The following ECT2 variants were observed in gnomAD, a reference collection of about 807,000 sequenced individuals.
The protein encoded by ECT2 is protein ECT2.
Under a neutral mutation model 116.9 loss-of-function variants are expected in ECT2, and 61 were observed. That is an observed-to-expected ratio of 0.52 (90% CI 0.42 to 0.65). The LOEUF is 0.65. ECT2 is among the 30% of genes least tolerant of loss of function. The pLI is 0.00. For missense variants in ECT2, 937 were observed against 1,078.7 expected, an observed-to-expected ratio of 0.87 and a Z score of 1.84; for synonymous variants, 358 against 346.4, an observed-to-expected ratio of 1.03 and a Z score of -0.37.
chr3:172,815,796 A>G, intron 23 of ECT2, 85 bp downstream of exon 23: 3 of 858,350 alleles, frequency 3.5e-6, no homozygotes, highest in East Asian at 2.6e-5. Context: ...AAACACCAGT[A>G]TAAAGATAGT....
intron 18 of ECT2, among the ~76,000 whole-genome samples, chr3:172,789,099 G>GT (rs1724143994): frequency 6.6e-6 from 1 of 150,894 alleles, no homozygotes; most frequent in South Asian, 2.1e-4. Context: ...TGAGCCTTCA[G>GT]TAAGTTATAG....
intron 22 of ECT2, among the ~76,000 whole-genome samples, chr3:172,813,865 A>G (rs1276129302): frequency 1.3e-5 from 2 of 150,872 alleles, no homozygotes; most frequent in African/African-American, 2.4e-5. Context: ...ATTGAAAAAC[A>G]TAAGATACAA....
At chr3:172,813,769 G>A (rs1242871385) in intron 22 of ECT2, among the ~76,000 whole-genome samples, 6 of 151,920 alleles carry the variant, frequency 3.9e-5, no homozygotes, top group African/African-American at 1.2e-4. Flanking sequence ...CAAAAATAGT[G>A]GAATGATTAA....
the ECT2 span, among the ~76,000 whole-genome samples, chr3:172,828,077 C>T: frequency 1.1e-4 from 16 of 152,170 alleles, no homozygotes; most frequent in South Asian, 6.2e-4. Flanking sequence ...CAAATAGATA[C>T]CAGCCACAAA....
intron 13 of ECT2, among the ~76,000 whole-genome samples, chr3:172,773,100 C>G (rs1720950569): frequency 6.6e-6 from 1 of 152,126 alleles, no homozygotes; most frequent in Non-Finnish European, 1.5e-5. Context: ...TTGATTGGCA[C>G]TAAATTTATA....
chr3:172,818,457 C>A, intron 24 of ECT2: 1 of 698,062 alleles, frequency 1.4e-6, no homozygotes. Context: ...ATGGTTATGT[C>A]ACTTTTAATA....
chr3:172,804,114 T>C (rs1009790424), intron 20 of ECT2, among the ~76,000 whole-genome samples: 7 of 152,286 alleles, frequency 4.6e-5, no homozygotes, highest in African/African-American at 1.7e-4. Flanking sequence ...CTGCCTCCTT[T>C]TTCTTTAAAG....
chr3:172,773,136 T>C (rs1576900241), intron 13 of ECT2, among the ~76,000 whole-genome samples: 1 of 152,226 alleles, frequency 6.6e-6, no homozygotes, highest in East Asian at 1.9e-4. Context: ...GAATTGACAT[T>C]CTTACTGTGT....
chr3:172,811,026 A>G (rs1444651223), intron 22 of ECT2, among the ~76,000 whole-genome samples: 6 of 152,192 alleles, frequency 3.9e-5, no homozygotes, highest in African/African-American at 1.4e-4. Flanking sequence ...GTAAGTATCT[A>G]TTAAAAATGT....
At chr3:172,803,674 A>T (rs543325829) in intron 20 of ECT2, among the ~76,000 whole-genome samples, 13 of 152,338 alleles carry the variant, frequency 8.5e-5, no homozygotes, top group African/African-American at 3.1e-4. Flanking sequence ...GACATTAATA[A>T]GATGACTCAT....
rs1037689409 is a variant in ECT2 at position 172,815,642 on chromosome 3, A to G, written c.2439A>G (p.Glu813=). ...LIYTADPESF[E]VNTKDMDSTL... ...ATACTGCTGATCCAGAATCCTTTGAAGTAAATACAAAAGATATGGACAGTA... is the reference window on the plus strand; with the variant it reads ...ATACTGCTGATCCAGAATCCTTTGAGGTAAATACAAAAGATATGGACAGTA... The change falls in exon 23 of 25, where the codon GAA becomes GAG. Residue 813 remains glutamate, a synonymous_variant. Transcript: ENST00000392692. 1 of 1,601,978 alleles carries G rather than the reference A, an allele frequency of 6.2e-7. No individual in the cohort carries two copies. The highest frequency in any genetic ancestry group is 8.5e-7 in the Non-Finnish European group (1 of 1,175,058).
Position 172,755,348 on chromosome 3 carries a change from C to G in ECT2, c.184C>G (p.Gln62Glu). 1 of 1,604,368 alleles carries G rather than the reference C, an allele frequency of 6.2e-7. No homozygotes were observed. Among genetic ancestry groups the G allele is most frequent in the Non-Finnish European group, 8.5e-7 (1 of 1,177,652 alleles). The part of the protein sequence containing the change: ...RVILVQEAGK[Q>E]EELIKALKTI... Reference sequence around the variant, plus strand: ...GATATTGGTTCAAGAAGCTGGAAAACAAGAAGAACTTATAAAAGCCTTAAA... The same window carrying G: ...GATATTGGTTCAAGAAGCTGGAAAAGAAGAAGAACTTATAAAAGCCTTAAA... Residue 62 changes from glutamine (Q) to glutamate (E), a missense_variant, in exon 3 of 25, where the codon CAA becomes GAA. By Grantham distance (29) the Gln-to-Glu change is conservative. Coordinates refer to ENST00000392692, the MANE Select transcript of ECT2 (RefSeq NM_001258315.2).
the ECT2 span, among the ~76,000 whole-genome samples, chr3:172,827,714 A>G: frequency 6.6e-6 from 1 of 152,244 alleles, no homozygotes. Context: ...ATTGTTCAGC[A>G]GCACAATAGG....
At position 172,754,660 on chromosome 3, in the gene ECT2, G is replaced by C. The variant is rs1716599552; in HGVS notation, c.130G>C (p.Glu44Gln). The change falls in exon 2 of 25, where the codon GAA (glutamate) becomes CAA (glutamine). Residue 44 changes from glutamate to glutamine, a missense_variant and splice_region_variant. Coordinates refer to ENST00000392692, the MANE Select transcript of ECT2 (RefSeq NM_001258315.2). The stretch of plus-strand genomic sequence containing the variant: ...TATTGGATCTACTTCATATGTAGAA[G>C]GTAAACCTGTTACCTGCTTTAAAAC... The part of the protein sequence containing the change: ...LLIGSTSYVE[E>Q]EMPQIETRVI... The C allele has an allele frequency of 3.1e-6, 5 of 1,595,886 alleles. No homozygotes were observed. The highest frequency in any genetic ancestry group is 4.3e-6 in the Non-Finnish European group (5 of 1,170,132).
intron 18 of ECT2, among the ~76,000 whole-genome samples, chr3:172,791,023 T>C (rs1274819100): frequency 6.6e-6 from 1 of 152,198 alleles, no homozygotes; most frequent in Non-Finnish European, 1.5e-5. Context: ...GGTGTGATGA[T>C]GCACACCTGT....
chr3:172,752,138 T>C (rs1380402837), intron 1 of ECT2: 1 of 151,986 alleles, frequency 6.6e-6, no homozygotes, highest in Non-Finnish European at 1.5e-5. Context: ...GAAGTTTTTT[T>C]TTTTTTTTTA....
In ECT2 at chr3:172,820,496, T is replaced by C; in HGVS notation, c.*259T>C. 3.8e-6 allele frequency: 1 copy of C among 265,460 alleles called. No individual in the cohort carries two copies. The highest frequency in any genetic ancestry group is 7.1e-5 in the East Asian group (1 of 14,010). 16.4% of individuals were successfully genotyped at this position (265,460 alleles called of 1,614,324 possible). A position where few individuals can be genotyped will look rare whatever the true frequency, so the allele number is the denominator to read the frequency against. Reference sequence around the variant, plus strand: ...AATCTGTCATTCAAAGGCCAATAATTTAAGTTGCTATCAGCTGATATTAGT... The same window carrying C: ...AATCTGTCATTCAAAGGCCAATAATCTAAGTTGCTATCAGCTGATATTAGT... On this transcript the variant is annotated 3_prime_UTR_variant, in exon 25 of 25. Transcript: ENST00000392692.
At chr3:172,765,432 T>G (rs1189372299) in intron 12 of ECT2, among the ~76,000 whole-genome samples, 1 of 152,172 alleles carries the variant, frequency 6.6e-6, no homozygotes, top group African/African-American at 2.4e-5. Context: ...CTCCCAAATT[T>G]GTCCTCTTCC....
chr3:172,756,784 A>G (rs1049454751), intron 4 of ECT2, among the ~76,000 whole-genome samples, 199 bp from the exon 5 acceptor site: 2 of 152,208 alleles, frequency 1.3e-5, no homozygotes, highest in African/African-American at 4.8e-5. Flanking sequence ...AGATATGTAT[A>G]TGTAAAAATG....
Sources: gnomAD v4.1 joint callset for allele counts (sites outside exome capture counted in the v4.1 genomes callset) on GRCh38, gnomAD v4.1.1 for gene constraint, MANE v1.5 for transcripts, NCBI Gene and HGNC (gene_info 2026-07-23, HGNC 2026-07-21) for gene names.